The following ERC2 variants were observed in gnomAD, a reference collection of about 807,000 sequenced individuals.
ERC2 encodes ELKS/RAB6-interacting/CAST family member 2, also known as ERC protein 2.
Under a neutral mutation model 114.8 loss-of-function variants are expected in ERC2, and 42 were observed. The observed-to-expected ratio is 0.37, with a 90% confidence interval of 0.29 to 0.47. The LOEUF (loss-of-function observed/expected upper bound fraction) is 0.47. Ranked by LOEUF, ERC2 falls within the 20% of genes least tolerant of loss-of-function variation. ERC2 has a pLI of 0.99. For synonymous variants in ERC2, 454 were observed against 425.5 expected, an observed-to-expected ratio of 1.07 and a Z score of -0.82; for missense variants, 939 against 1,150.7, an observed-to-expected ratio of 0.82 and a Z score of 2.66.
intron 14 of ERC2, among the ~76,000 whole-genome samples, chr3:55,751,397 A>C (rs1178512339): frequency 6.6e-6 from 1 of 152,250 alleles, no homozygotes; most frequent in Admixed American, 6.5e-5. Flanking sequence ...TGAGTTGGTC[A>C]ATGCCAATCT....
At chr3:55,742,031 A>C (rs2065990394) in intron 14 of ERC2, among the ~76,000 whole-genome samples, 1 of 151,160 alleles carries the variant, frequency 6.6e-6, no homozygotes, top group Non-Finnish European at 1.5e-5. Flanking sequence ...ACTGTCATTC[A>C]GTGTGTAGGA....
chr3:55,721,279 G>C (rs150858162), intron 15 of ERC2, among the ~76,000 whole-genome samples: 27 of 152,292 alleles, frequency 1.8e-4, no homozygotes, highest in African/African-American at 6.5e-4. Context: ...TTTTTGTGGG[G>C]ACTATAATAA....
rs114784822 is a variant in ERC2 at position 55,566,523 on chromosome 3, C to T, written c.*40-55247G>A. Among the ~76,000 whole-genome samples, 536 of 152,242 alleles carry T rather than the reference C, an allele frequency of 3.5e-3. 4 individuals carry two copies. Among genetic ancestry groups the T allele is most frequent in the African/African-American group, 0.012 (518 of 41,530 alleles). ...CTCCACTCACTGCTACCTCCACCTC[C>T]TGGGTTTAAGGGATTCTCCTATCTC... On this transcript the variant is annotated intron_variant, in intron 17 of 17. Transcript: ENST00000288221.
At chr3:56,372,046 A>G (rs2059380502) in intron 2 of ERC2, among the ~76,000 whole-genome samples, 1 of 152,240 alleles carries the variant, frequency 6.6e-6, no homozygotes, top group Non-Finnish European at 1.5e-5. Context: ...CAAAATGCCC[A>G]AATGAGAGGC....
chr3:55,515,471 G>C (rs1216322620), intron 17 of ERC2, among the ~76,000 whole-genome samples: 1 of 151,748 alleles, frequency 6.6e-6, no homozygotes, highest in Non-Finnish European at 1.5e-5. Context: ...TGGTTCAAGC[G>C]ATTCTCCTGC....
chr3:56,417,761 C>A (rs906909709), intron 2 of ERC2, among the ~76,000 whole-genome samples: 30 of 152,186 alleles, frequency 2.0e-4, no homozygotes, highest in African/African-American at 6.8e-4. Context: ...CAGAGGCAGG[C>A]TCCACTAACA....
chr3:55,726,100 A>C (rs1470504884), intron 15 of ERC2, among the ~76,000 whole-genome samples: 5 of 152,210 alleles, frequency 3.3e-5, no homozygotes, highest in Non-Finnish European at 7.3e-5. Flanking sequence ...CTTTGCACTG[A>C]AGTCAAAAAT....
intron 7 of ERC2, among the ~76,000 whole-genome samples, chr3:56,025,738 C>T (rs1281011266): frequency 6.6e-6 from 1 of 152,188 alleles, no homozygotes; most frequent in Admixed American, 6.5e-5. Context: ...ACCTTAATTA[C>T]ATCTGAAAAT....
chr3:55,532,293 C>T (rs184280291), intron 17 of ERC2, among the ~76,000 whole-genome samples: 1 of 152,296 alleles, frequency 6.6e-6, no homozygotes, highest in East Asian at 1.9e-4. Flanking sequence ...TTGATCAGAG[C>T]TCCCCAGCTA....
At chr3:56,427,785 C>T (rs1185172071) in intron 2 of ERC2, among the ~76,000 whole-genome samples, 4 of 152,166 alleles carry the variant, frequency 2.6e-5, no homozygotes, top group African/African-American at 9.7e-5. Context: ...CCTGCTGACA[C>T]CTTGATCTTG....
chr3:56,275,954 C>T (rs1187577719), intron 3 of ERC2, among the ~76,000 whole-genome samples: 2 of 152,292 alleles, frequency 1.3e-5, no homozygotes, highest in South Asian at 2.1e-4. Flanking sequence ...GTCAACAGTG[C>T]TGGCGTGGTT....
chr3:56,351,752 A>G (rs2150528159), intron 2 of ERC2, among the ~76,000 whole-genome samples: 1 of 152,324 alleles, frequency 6.6e-6, no homozygotes, highest in East Asian at 1.9e-4. Context: ...CCATTCATTC[A>G]TTCATGCATA....
At chr3:56,271,219 C>T (rs2053635623) in intron 3 of ERC2, among the ~76,000 whole-genome samples, 1 of 152,104 alleles carries the variant, frequency 6.6e-6, no homozygotes, top group Non-Finnish European at 1.5e-5. Context: ...CCTGGTTTTC[C>T]CAGGATTTCC....
rs375667109 is a variant in ERC2, at chr3:55,668,143, C to T, written c.*39+15651G>A. Among the ~76,000 whole-genome samples, 180 of 152,142 alleles carry T rather than the reference C, an allele frequency of 1.2e-3. 1 individual carries two copies. Among genetic ancestry groups the T allele is most frequent in the Middle Eastern group, 6.8e-3 (2 of 292 alleles). On this transcript the variant is annotated intron_variant, in intron 17 of 17. Coordinates refer to ENST00000288221, the MANE Select transcript of ERC2 (RefSeq NM_015576.3). ...AAATTTTATATATATATATGTATCTCACTATTTGATTTCCCAACCATGAGT... is the reference window on the plus strand; with the variant it reads ...AAATTTTATATATATATATGTATCTTACTATTTGATTTCCCAACCATGAGT...
intron 14 of ERC2, among the ~76,000 whole-genome samples, chr3:55,880,229 G>A (rs1380949455): frequency 2.0e-5 from 3 of 152,296 alleles, no homozygotes; most frequent in South Asian, 2.1e-4. Flanking sequence ...GAAGGAACGT[G>A]AGTCCCTAGT....
chr3:55,679,811 G>C (rs2061974662), intron 17 of ERC2, among the ~76,000 whole-genome samples: 1 of 152,176 alleles, frequency 6.6e-6, no homozygotes, highest in Non-Finnish European at 1.5e-5. Context: ...GCTTTGTGTA[G>C]AGCTCAGAGC....
At chr3:56,179,058 T>TAA (rs34820943) in intron 3 of ERC2, among the ~76,000 whole-genome samples, 3,899 of 132,430 alleles carry the variant, frequency 0.029, 58 homozygotes, top group Middle Eastern at 0.062. Context: ...GTTGATGAGC[T>TAA]AAAAAAAAAA....
At chr3:56,313,545 G>A (rs1472370203) in intron 2 of ERC2, among the ~76,000 whole-genome samples, 1 of 152,168 alleles carries the variant, frequency 6.6e-6, no homozygotes, top group African/African-American at 2.4e-5. Context: ...CCACAGAAGG[G>A]AGTGCATGAG....
At chr3:55,693,770 G>A (rs998067895) in intron 16 of ERC2, among the ~76,000 whole-genome samples, 3 of 151,480 alleles carry the variant, frequency 2.0e-5, no homozygotes, top group Non-Finnish European at 2.9e-5. Context: ...GTGCAATGGC[G>A]CGATCTCAGC....
Sources: allele counts gnomAD v4.1 joint callset (sites outside exome capture counted in the v4.1 genomes callset), GRCh38; gene constraint gnomAD v4.1.1; transcripts MANE v1.5; gene names NCBI Gene and HGNC (gene_info 2026-07-23, HGNC 2026-07-21).